The following RSRC1 variants were observed in gnomAD, a reference collection of about 807,000 sequenced individuals.
RSRC1 encodes the protein serine/Arginine-related protein 53.
RSRC1 carries 39 observed loss-of-function variants against 49.1 expected under a neutral mutation model. That is an observed-to-expected ratio of 0.79 (90% CI 0.61 to 1.04). The LOEUF (loss-of-function observed/expected upper bound fraction) is 1.04, where lower values mean the gene tolerates loss of function less well. Ranked by LOEUF, RSRC1 falls within the 50% of genes least tolerant of loss-of-function variation. The probability of loss-of-function intolerance (pLI) is 0.00; values close to 1 mark genes in which losing one functional copy is unlikely to be tolerated. For missense variants in RSRC1, 388 were observed against 402.4 expected, an observed-to-expected ratio of 0.96 and a Z score of 0.31; for synonymous variants, 143 against 130.8, an observed-to-expected ratio of 1.09 and a Z score of -0.63.
intron 7 of RSRC1, among the ~76,000 whole-genome samples, chr3:158,491,258 A>G (rs1022817040): frequency 2.0e-5 from 3 of 152,234 alleles, no homozygotes; most frequent in Admixed American, 6.5e-5. Flanking sequence ...CTCTTTGCCC[A>G]TTTAAGATTT....
intron 4 of RSRC1, among the ~76,000 whole-genome samples, chr3:158,266,846 C>T (rs985051272): frequency 3.7e-4 from 57 of 152,082 alleles, no homozygotes; most frequent in African/African-American, 1.4e-3. Flanking sequence ...GATCTGCAGC[C>T]TCCGCCTCCT....
At chr3:158,225,253 T>C (rs1181376612) in intron 4 of RSRC1, among the ~76,000 whole-genome samples, 2 of 151,882 alleles carry the variant, frequency 1.3e-5, no homozygotes, top group African/African-American at 4.8e-5. Context: ...GAGATTTTGA[T>C]ATTTTAAGTT....
intron 3 of RSRC1, among the ~76,000 whole-genome samples, chr3:158,129,624 G>T (rs1208985463): frequency 6.6e-6 from 1 of 152,024 alleles, no homozygotes; most frequent in African/African-American, 2.4e-5. Flanking sequence ...AGTAGTCTTG[G>T]TACCTCTGTC....
At chr3:158,229,786 C>G (rs918335746) in intron 4 of RSRC1, among the ~76,000 whole-genome samples, 2 of 151,700 alleles carry the variant, frequency 1.3e-5, no homozygotes, top group Non-Finnish European at 2.9e-5. Flanking sequence ...TTTCTCTTGA[C>G]TACACACATG....
intron 7 of RSRC1, among the ~76,000 whole-genome samples, chr3:158,477,521 T>C (rs1216693141): frequency 6.6e-6 from 1 of 152,094 alleles, no homozygotes; most frequent in Non-Finnish European, 1.5e-5. Context: ...ATCATTTGCA[T>C]TTTTAGCAAT....
chr3:158,280,363 CTAAT>C (rs1338303054), intron 4 of RSRC1, among the ~76,000 whole-genome samples: 4 of 152,124 alleles, frequency 2.6e-5, no homozygotes, highest in East Asian at 1.9e-4. Context: ...CACATATTTA[CTAAT>C]TAATTAAACT....
At chr3:158,119,832 C>CTT (rs35646318) in intron 1 of RSRC1, among the ~76,000 whole-genome samples, 79,697 of 128,760 alleles carry the variant, frequency 0.62, 25,264 homozygotes, top group East Asian at 0.79. Context: ...ATTTCATAGT[C>CTT]TTTTTTTTTT....
At chr3:158,348,231 A>G (rs1056710975) in intron 5 of RSRC1, among the ~76,000 whole-genome samples, 2 of 152,286 alleles carry the variant, frequency 1.3e-5, no homozygotes, top group South Asian at 4.1e-4. Context: ...CAGAATTTCC[A>G]TAGTGGTGGC....
At chr3:158,300,876 T>A (rs956073013) in intron 5 of RSRC1, among the ~76,000 whole-genome samples, 1 of 152,174 alleles carries the variant, frequency 6.6e-6, no homozygotes, top group Non-Finnish European at 1.5e-5. Context: ...CCAGGTAACA[T>A]AGTTGCCCTG....
At chr3:158,154,445 C>T (rs1717738314) in intron 3 of RSRC1, among the ~76,000 whole-genome samples, 2 of 150,232 alleles carry the variant, frequency 1.3e-5, no homozygotes, top group African/African-American at 4.9e-5. Context: ...ATGCTGTTGT[C>T]TAGTATTTTA....
At chr3:158,469,536 AG>A in intron 7 of RSRC1, 1 of 192,248 alleles carries the variant, frequency 5.2e-6, no homozygotes, top group Non-Finnish European at 1.1e-5. Context: ...GAATGGTTAT[AG>A]CTAAAGCCTG....
intron 7 of RSRC1, among the ~76,000 whole-genome samples, chr3:158,519,902 T>A (rs1711562734): frequency 6.6e-6 from 1 of 152,002 alleles, no homozygotes; most frequent in African/African-American, 2.4e-5. Flanking sequence ...AGTACTCTAA[T>A]GTTAGAGGTG....
chr3:158,147,901 T>C (rs1357755504), intron 3 of RSRC1, among the ~76,000 whole-genome samples: 2 of 152,214 alleles, frequency 1.3e-5, no homozygotes, highest in Non-Finnish European at 2.9e-5. Flanking sequence ...ACTCTATATT[T>C]TCAATCCATT....
At chr3:158,457,845 C>T (rs2108400985) in intron 6 of RSRC1, among the ~76,000 whole-genome samples, 1 of 150,376 alleles carries the variant, frequency 6.6e-6, no homozygotes, top group Middle Eastern at 3.4e-3. Context: ...GCTATGGGGG[C>T]AAAAGCTGGT....
intron 6 of RSRC1, among the ~76,000 whole-genome samples, chr3:158,376,783 A>G (rs937984245): frequency 3.3e-5 from 5 of 152,128 alleles, no homozygotes; most frequent in Non-Finnish European, 7.4e-5. Context: ...GTTTAAATAC[A>G]ATCAGCACCT....
chr3:158,434,488 A>G (rs1735938014), intron 6 of RSRC1, among the ~76,000 whole-genome samples: 1 of 151,980 alleles, frequency 6.6e-6, no homozygotes, highest in Non-Finnish European at 1.5e-5. Flanking sequence ...ATTAAGAAAC[A>G]TTCTAGTTTG....
At chr3:158,239,798 T>TA (rs1723464681) in intron 4 of RSRC1, among the ~76,000 whole-genome samples, 1 of 152,202 alleles carries the variant, frequency 6.6e-6, no homozygotes, top group African/African-American at 2.4e-5. Flanking sequence ...TTTGGTCAGA[T>TA]ATGTGTTGTG....
At chr3:158,456,570 A>G (rs901444684) in intron 6 of RSRC1, among the ~76,000 whole-genome samples, 5 of 152,192 alleles carry the variant, frequency 3.3e-5, no homozygotes, top group Non-Finnish European at 1.5e-5. Context: ...GTATTAAAGT[A>G]CCTATGGAAA....
chr3:158,466,969 G>A (rs1049759866), intron 7 of RSRC1, among the ~76,000 whole-genome samples: 2 of 152,152 alleles, frequency 1.3e-5, no homozygotes, highest in Non-Finnish European at 2.9e-5. Context: ...TGAGGCAGGA[G>A]GATCACTTGA....
Sources: allele counts gnomAD v4.1 joint callset (sites outside exome capture counted in the v4.1 genomes callset), GRCh38; gene constraint gnomAD v4.1.1; transcripts MANE v1.5; gene names NCBI Gene and HGNC (gene_info 2026-07-23, HGNC 2026-07-21).